Variants in ZNF528 observed in about 807,000 individuals in gnomAD.
ZNF528 encodes zinc finger protein 528.
A neutral mutation model predicts 13.3 loss-of-function variants in ZNF528; 9 were observed. The observed-to-expected ratio is 0.67, with a 90% CI of 0.41 to 1.18. The LOEUF (loss-of-function observed/expected upper bound fraction) is 1.18. Ranked by LOEUF, ZNF528 falls within the 50% of genes most tolerant of loss-of-function variation. The pLI is 0.01. For synonymous variants in ZNF528, 264 were observed against 254.3 expected (o/e 1.04, Z -0.36); for missense variants, 858 against 745.4 (o/e 1.15, Z -1.76).
intron 2 of ZNF528, among the ~76,000 whole-genome samples, chr19:52,399,563 C>T (rs966039374): frequency 2.0e-5 from 3 of 152,074 alleles, no homozygotes; most frequent in Non-Finnish European, 4.4e-5. Flanking sequence ...GAGCCGAGAT[C>T]GTGTCACTGC....
chr19:52,400,233 C>T (rs1242446108), intron 2 of ZNF528, among the ~76,000 whole-genome samples: 2 of 140,824 alleles, frequency 1.4e-5, no homozygotes, highest in African/African-American at 2.6e-5. Flanking sequence ...TTAAAACACA[C>T]ACACACACAC....
Position 52,402,017 on chromosome 19 carries a change from G to C in ZNF528, c.4G>C (p.Ala2Pro). 6.2e-7 allele frequency: 1 copy of C among 1,614,116 alleles called. No homozygotes were observed. Among genetic ancestry groups the C allele is most frequent in the Non-Finnish European group, 8.5e-7 (1 of 1,180,008 alleles). ...GAGGAAAGAAAAGAAGTCAGGAATG[G>C]CCCTTACTCAGGTAAGGTAATGTTC... M[A>P]LTQGPLKFMD... Residue 2 changes from alanine to proline, a missense_variant, in exon 4 of 7, where the codon GCC becomes CCC. By Grantham distance (27) the Ala-to-Pro change is conservative (BLOSUM62 -1). Transcript: ENST00000360465.
At chr19:52,405,789 A>G in intron 4 of ZNF528, 118 bp from the exon 5 acceptor site, 2 of 1,382,982 alleles carry the variant, frequency 1.4e-6, no homozygotes, top group South Asian at 1.2e-5. Flanking sequence ...ATACCTTAAT[A>G]TGGATTTTTC....
chr19:52,403,134 T>C (rs963070496), intron 4 of ZNF528, among the ~76,000 whole-genome samples: 2 of 152,250 alleles, frequency 1.3e-5, no homozygotes, highest in Admixed American at 6.5e-5. Context: ...AATTTATACA[T>C]TTTTATTGTG....
chr19:52,399,931 A>G (rs2058771551), intron 2 of ZNF528, among the ~76,000 whole-genome samples: 1 of 152,152 alleles, frequency 6.6e-6, no homozygotes. Context: ...AAGGTGAGGG[A>G]TTCTCCTTTG....
At chr19:52,405,169 A>G (rs902329407) in intron 4 of ZNF528, among the ~76,000 whole-genome samples, 1 of 151,126 alleles carries the variant, frequency 6.6e-6, no homozygotes, top group Non-Finnish European at 1.5e-5. Flanking sequence ...GTGAGCCAAT[A>G]TCACACCATT....
At chr19:52,414,281 G>A (rs936938813) in intron 6 of ZNF528, 12 of 702,350 alleles carry the variant, frequency 1.7e-5, no homozygotes, top group African/African-American at 1.0e-4. Context: ...CGACATCCTC[G>A]GAGTCCCTCT....
chr19:52,416,473 A>G lies in ZNF528; in HGVS notation c.1621A>G (p.Ile541Val). 6.2e-7 allele frequency: 1 copy of G among 1,614,202 alleles called. No homozygotes were observed. Among genetic ancestry groups the G allele is most frequent in the Non-Finnish European group, 8.5e-7 (1 of 1,180,030 alleles). The change falls in exon 7 of 7, where the codon ATA becomes GTA. Residue 541 changes from isoleucine to valine, a missense_variant. By Grantham distance (29) the Ile-to-Val change is conservative. Coordinates refer to ENST00000360465, the MANE Select transcript of ZNF528 (RefSeq NM_032423.3). ...NQASYLTRHQ[I>V]IHTGERPYRC... ...AGCATCATACCTTACAAGACATCAA[A>G]TAATTCATACTGGAGAGAGGCCTTA... is the stretch of plus-strand genomic sequence containing the variant.
rs939110641 is a variant in ZNF528 at position 52,416,343 on chromosome 19, A to G, written c.1491A>G (p.Arg497=). Residue 497 remains arginine, a synonymous_variant, in exon 7 of 7, where the codon AGA becomes AGG. Coordinates refer to ENST00000360465, the MANE Select transcript of ZNF528 (RefSeq NM_032423.3). ...HTGEKPYKCN[R]CGKVFSRSSN... ...GAGAGAAGCCTTACAAATGTAACAG[A>G]TGTGGCAAGGTCTTCAGTCGCAGTT... 15 of 1,614,068 alleles carry G rather than the reference A, an allele frequency of 9.3e-6. No homozygotes were observed. Among genetic ancestry groups the G allele is most frequent in the Non-Finnish European group, 1.3e-5 (15 of 1,179,930 alleles).
In ZNF528 at chr19:52,406,013, A is replaced by G. The variant is rs1295586181; in HGVS notation, c.122A>G (p.Tyr41Cys). 6.8e-6 allele frequency: 11 copies of G among 1,610,862 alleles called. No individual in the cohort carries two copies. The highest frequency in any genetic ancestry group is 8.5e-6 in the Non-Finnish European group (10 of 1,177,812). Residue 41 changes from tyrosine (Y) to cysteine (C), a missense_variant, in exon 5 of 7, where the codon TAT (tyrosine) becomes TGT (cysteine). By Grantham distance (194) the Tyr-to-Cys change is radical. Transcript: ENST00000360465. The part of the protein sequence containing the change: ...TLYRDVMLEN[Y>C]RNLVSLGICL... ...TACAGGGACGTGATGTTGGAGAATT[A>G]TAGGAACCTGGTCTCCCTGGGTGAG...
chr19:52,414,413 A>G, intron 6 of ZNF528: 3 of 672,038 alleles, frequency 4.5e-6, no homozygotes, highest in Non-Finnish European at 5.4e-6. Context: ...TCTAGTGAAC[A>G]AGGGCCCTGA....
intron 4 of ZNF528, among the ~76,000 whole-genome samples, chr19:52,403,095 T>C (rs62110161): frequency 0.043 from 6,610 of 152,342 alleles, 188 homozygotes; most frequent in Non-Finnish European, 0.063. Context: ...TTTAAGTACT[T>C]ACCATATGTT....
At chr19:52,406,132 A>G in intron 5 of ZNF528, 99 bp downstream of exon 5, 1 of 1,400,420 alleles carries the variant, frequency 7.1e-7, no homozygotes, top group Non-Finnish European at 9.7e-7. Flanking sequence ...CTTGCCTGAG[A>G]TTGAAACCAT....
chr19:52,400,950 T>G (rs1225423035), intron 2 of ZNF528, among the ~76,000 whole-genome samples: 1 of 152,166 alleles, frequency 6.6e-6, no homozygotes, highest in Non-Finnish European at 1.5e-5. Context: ...TGTTTAAAAT[T>G]TTTCTCATTA....
At chr19:52,415,011 C>T (rs757233202) in intron 6 of ZNF528, 113 bp from the exon 7 acceptor site, 1 of 1,561,210 alleles carries the variant, frequency 6.4e-7, no homozygotes, top group Non-Finnish European at 8.7e-7. Context: ...CACACAATAC[C>T]CTGATACTCC....
chr19:52,415,410 TA>T lies in ZNF528; in HGVS notation c.561del (p.Lys187AsnfsTer19). 6.2e-7 allele frequency: 1 copy of T among 1,614,162 alleles called. No homozygotes were observed. The highest frequency in any genetic ancestry group is 2.2e-5 in the East Asian group (1 of 44,876). On this transcript the variant is annotated frameshift_variant, in exon 7 of 7. Coordinates refer to ENST00000360465, the MANE Select transcript of ZNF528 (RefSeq NM_032423.3). LOFTEE classifies it low-confidence loss of function (END_TRUNC). ...QKAHIREKAY[K>X]CNEHGQVFRA... is the part of the protein sequence containing the mutation. ...AAGCACACATTAGGGAAAAAGCTTA[TA>T]AATGTAATGAGCACGGCCAAGTCTT...
At chr19:52,400,188 T>C (rs2058774747) in intron 2 of ZNF528, among the ~76,000 whole-genome samples, 1 of 151,508 alleles carries the variant, frequency 6.6e-6, no homozygotes. Context: ...AAGGGAATTA[T>C]TTTGGTCAGC....
rs1429150797 is a variant in ZNF528, at chr19:52,416,579, C to T, written c.1727C>T (p.Ser576Phe). 1.2e-6 allele frequency: 2 copies of T among 1,614,052 alleles called. No individual in the cohort carries two copies. The highest frequency in any genetic ancestry group is 2.7e-5 in the African/African-American group (2 of 74,930). ...CTTGCAATCCATACTGAAAAGAAAT[C>T]TCATGAGTGTAAAGAATGTGGCAAG... ...AHLAIHTEKK[S>F]HECKECGKIF... Residue 576 changes from serine (S) to phenylalanine (F), a missense_variant, in exon 7 of 7, where the codon TCT becomes TTT. Transcript: ENST00000360465.
rs145069872 is a variant in ZNF528 at position 52,401,840 on chromosome 19, A to G, written c.-68+87A>G. The G allele has an allele frequency of 3.0e-4, 457 of 1,527,168 alleles. 6 individuals carry two copies. The African/African-American group carries it at 5.5e-3, about 19-fold the overall frequency. 94.6% of individuals were successfully genotyped at this position (1,527,168 alleles called of 1,614,324 possible). On this transcript the variant is annotated intron_variant, in intron 3 of 6. Transcript: ENST00000360465. ...TAAATCAGACCTATGTAGAAAGTCA[A>G]AGTTTGAGGATTACCTCAGGGTGAG...
Sources: gnomAD v4.1 joint callset for allele counts (sites outside exome capture counted in the v4.1 genomes callset) on GRCh38, gnomAD v4.1.1 for gene constraint, MANE v1.5 for transcripts, NCBI Gene and HGNC (gene_info 2026-07-23, HGNC 2026-07-21) for gene names.